The following FGGY variants were observed in gnomAD, a reference collection of about 807,000 sequenced individuals.
FGGY encodes FGGY carbohydrate kinase domain-containing protein.
A neutral mutation model predicts 71.3 loss-of-function variants in FGGY; 72 were observed. The ratio of observed to expected loss-of-function variants is 1.01; its 90% CI spans 0.84 to 1.23. FGGY has a LOEUF of 1.23. FGGY is among the 50% of genes most tolerant of loss of function. FGGY has a pLI of 0.00. For missense variants in FGGY, 668 were observed against 682.3 expected, an observed-to-expected ratio of 0.98 and a Z score of 0.23; for synonymous variants, 251 against 250.3, an observed-to-expected ratio of 1.00 and a Z score of -0.02.
chr1:59,701,410 A>T (rs2097708591), intron 14 of FGGY, among the ~76,000 whole-genome samples: 1 of 152,108 alleles, frequency 6.6e-6, no homozygotes, highest in South Asian at 2.1e-4. Context: ...TTCTTCAGTC[A>T]TTTTTCTTTC....
chr1:59,409,596 TTTTATATATA>T (rs1297969149), intron 5 of FGGY, among the ~76,000 whole-genome samples: 1 of 84,036 alleles, frequency 1.2e-5, no homozygotes, highest in African/African-American at 4.0e-5. Flanking sequence ...AGGAAGAGTT[TTTTATATATA>T]TATATATATA....
intron 14 of FGGY, among the ~76,000 whole-genome samples, chr1:59,721,727 C>A (rs922836575): frequency 2.2e-4 from 34 of 152,176 alleles, no homozygotes; most frequent in African/African-American, 6.5e-4. Context: ...AATTAATGAA[C>A]CAGTATTGAT....
chr1:59,757,972 C>G lies in FGGY; in HGVS notation c.1554C>G (p.Phe518Leu). The G allele has an allele frequency of 6.2e-7, 1 of 1,612,630 alleles. No individual in the cohort carries two copies. The highest frequency in any genetic ancestry group is 2.2e-5 in the East Asian group (1 of 44,840). The change falls in exon 15 of 16, where the codon TTC (phenylalanine) becomes TTG (leucine). Residue 518 changes from phenylalanine (F) to leucine (L), a missense_variant. By Grantham distance (22) the Phe-to-Leu change is conservative. This residue lies in a region of FGGY where 661 missense variants were observed against 661.6 expected (regional missense o/e 1.00). Transcript: ENST00000303721. ...AKMSKVGKVV[F>L]PRLQDKKYYD... ...TGAGCAAAGTTGGGAAAGTTGTGTTCCCGAGACTACAGGATAAAAAGTAAG... is the reference window on the plus strand; with the variant it reads ...TGAGCAAAGTTGGGAAAGTTGTGTTGCCGAGACTACAGGATAAAAAGTAAG...
At chr1:59,362,560 A>C (rs1478199423) in intron 4 of FGGY, among the ~76,000 whole-genome samples, 1 of 152,160 alleles carries the variant, frequency 6.6e-6, no homozygotes, top group African/African-American at 2.4e-5. Flanking sequence ...GATGCTGCTG[A>C]TGCTTCTGCC....
Position 59,396,411 on chromosome 1 carries a change from CT to C in FGGY, c.554+17575del, listed in dbSNP as rs1265771547. ...GTTTGTTTCTTTTGATTTTTTTTTC[CT>C]GTGATAGCTTTTAGGATCAGGAAAT... On this transcript the variant is annotated intron_variant, in intron 5 of 15. Coordinates refer to ENST00000303721, the MANE Select transcript of FGGY (RefSeq NM_018291.5). Among the ~76,000 whole-genome samples, 6 of 151,578 alleles carry C rather than the reference CT, an allele frequency of 4.0e-5. No individual in the cohort carries two copies. In the South Asian group the frequency reaches 6.2e-4, roughly 16 times the overall value.
intron 8 of FGGY, among the ~76,000 whole-genome samples, chr1:59,570,844 A>G (rs1230947839): frequency 6.6e-6 from 1 of 152,210 alleles, no homozygotes; most frequent in African/African-American, 2.4e-5. Context: ...AAAGCATTCA[A>G]AAATGTTTGT....
chr1:59,331,887 C>T (rs835380), intron 2 of FGGY: 61,880 of 151,948 alleles, frequency 0.41, 13,096 homozygotes, highest in African/African-American at 0.51. Flanking sequence ...TAACTCCTCG[C>T]ACGCCCCCAA....
At chr1:59,580,028 A>G (rs1281047940) in intron 8 of FGGY, among the ~76,000 whole-genome samples, 1 of 152,056 alleles carries the variant, frequency 6.6e-6, no homozygotes, top group Non-Finnish European at 1.5e-5. Context: ...CTCCACCTGC[A>G]TCACTCTTAA....
chr1:59,307,370 A>G (rs1204747875), intron 1 of FGGY, among the ~76,000 whole-genome samples: 1 of 151,722 alleles, frequency 6.6e-6, no homozygotes, highest in Non-Finnish European at 1.5e-5. Flanking sequence ...AACTCAATCT[A>G]GTTAACCAAA....
chr1:59,750,620 C>A (rs1156400920), intron 14 of FGGY, among the ~76,000 whole-genome samples: 1 of 152,132 alleles, frequency 6.6e-6, no homozygotes, highest in Non-Finnish European at 1.5e-5. Flanking sequence ...TCCTGCTTCT[C>A]AATTGATATT....
In FGGY at chr1:59,566,532, A is replaced by G. The variant is rs560444020; in HGVS notation, c.903+12305A>G. On this transcript the variant is annotated intron_variant, in intron 8 of 15. Coordinates refer to ENST00000303721, the MANE Select transcript of FGGY (RefSeq NM_018291.5). ...GAGATCAAAGAACTCAGAAGAACCA[A>G]TGGGAAGCTTTTTGAGCAATCAGCA... 4.6e-5 allele frequency among the ~76,000 whole-genome samples: 7 copies of G among 152,274 alleles called. No homozygotes were observed. The South Asian group carries it at 8.3e-4, about 18-fold the overall frequency.
chr1:59,761,332 C>A (rs542564164), intron 15 of FGGY, among the ~76,000 whole-genome samples: 1 of 152,264 alleles, frequency 6.6e-6, no homozygotes, highest in Admixed American at 6.5e-5. Flanking sequence ...GGGTAGGGGA[C>A]TCCTACTAAC....
intron 15 of FGGY, among the ~76,000 whole-genome samples, chr1:59,758,978 G>T (rs957635950): frequency 6.6e-6 from 1 of 152,156 alleles, no homozygotes; most frequent in Non-Finnish European, 1.5e-5. Flanking sequence ...CAGTACAGGG[G>T]GCTCAGGGTA....
chr1:59,585,244 G>A (rs899601597), intron 8 of FGGY, among the ~76,000 whole-genome samples: 4 of 152,154 alleles, frequency 2.6e-5, no homozygotes, highest in Non-Finnish European at 4.4e-5. Context: ...AAAGCTAGAG[G>A]CATCACGCTA....
At chr1:59,749,181 G>A (rs1348424496) in intron 14 of FGGY, among the ~76,000 whole-genome samples, 1 of 152,158 alleles carries the variant, frequency 6.6e-6, no homozygotes, top group African/African-American at 2.4e-5. Flanking sequence ...CCATTTGGCT[G>A]TTCCTGAATT....
At chr1:59,681,966 A>G (rs2097504925) in intron 14 of FGGY, among the ~76,000 whole-genome samples, 1 of 152,242 alleles carries the variant, frequency 6.6e-6, no homozygotes, top group Non-Finnish European at 1.5e-5. Context: ...GTTTCCTAAC[A>G]GAGGTATTTG....
At chr1:59,557,933 T>A (rs563175013) in intron 8 of FGGY, among the ~76,000 whole-genome samples, 3 of 152,322 alleles carry the variant, frequency 2.0e-5, no homozygotes, top group Admixed American at 6.5e-5. Flanking sequence ...GAACTACATC[T>A]GCATCTTAAA....
intron 5 of FGGY, among the ~76,000 whole-genome samples, chr1:59,401,196 A>G (rs1225102845): frequency 2.0e-5 from 3 of 152,226 alleles, no homozygotes; most frequent in African/African-American, 4.8e-5. Context: ...ACATAATAAC[A>G]GTTTTTAATG....
intron 6 of FGGY, among the ~76,000 whole-genome samples, chr1:59,501,115 A>G (rs1399062029): frequency 6.6e-6 from 1 of 152,180 alleles, no homozygotes; most frequent in African/African-American, 2.4e-5. Context: ...GGAGGCTGTT[A>G]CCATTTTGTA....
Sources: gnomAD v4.1 joint callset for allele counts (sites outside exome capture counted in the v4.1 genomes callset) on GRCh38, gnomAD v4.1.1 for gene constraint, gnomAD v4.1.1 regional missense constraint, MANE v1.5 for transcripts, NCBI Gene and HGNC (gene_info 2026-07-23, HGNC 2026-07-21) for gene names.